LUZP2: variants seen among roughly 807,000 people sequenced by gnomAD.
LUZP2 encodes leucine zipper protein 2.
Under a neutral mutation model 51.6 loss-of-function variants are expected in LUZP2, and 52 were observed. The observed-to-expected ratio is 1.01, with a 90% CI of 0.81 to 1.27. The LOEUF (loss-of-function observed/expected upper bound fraction) is 1.27, where lower values mean the gene tolerates loss of function less well. Among genes scored for constraint, LUZP2 ranks in the 50% most tolerant of loss-of-function variants. The pLI, the probability that LUZP2 is intolerant of heterozygous loss-of-function variation, is 0.00. For synonymous variants in LUZP2, 154 were observed against 137.3 expected (o/e 1.12, Z -0.85); for missense variants, 436 against 395.4 (o/e 1.10, Z -0.87).
Position 25,079,269 on chromosome 11 carries a change from T to C in LUZP2, c.*611T>C, listed in dbSNP as rs898081191. On this transcript the variant is annotated 3_prime_UTR_variant, in exon 12 of 12. Coordinates refer to ENST00000336930, the MANE Select transcript of LUZP2 (RefSeq NM_001009909.4). ...TTCATTAAGTATGTTTGGCATCATA[T>C]GGACAAAATATTTGGATGAATGACT... 1 of 152,376 alleles carries C rather than the reference T, an allele frequency of 6.6e-6. No homozygotes were observed. Among genetic ancestry groups the C allele is most frequent in the East Asian group, 1.9e-4 (1 of 5,194 alleles). The allele number at this position is 152,376 out of a possible 1,614,324, so 9.4% of individuals were successfully genotyped here. A position where few individuals can be genotyped will look rare whatever the true frequency, so the allele number is the denominator to read the frequency against.
chr11:24,716,905 T>G (rs1217399498), intron 1 of LUZP2, among the ~76,000 whole-genome samples: 1 of 151,940 alleles, frequency 6.6e-6, no homozygotes, highest in African/African-American at 2.4e-5. Flanking sequence ...CAAAAAAATT[T>G]TTTTAATATA....
chr11:24,668,995 T>C (rs1243791145), intron 1 of LUZP2, among the ~76,000 whole-genome samples: 2 of 152,146 alleles, frequency 1.3e-5, no homozygotes, highest in Non-Finnish European at 2.9e-5. Flanking sequence ...GGCTTTTTCC[T>C]TCAACCAGAA....
At chr11:24,813,105 T>C (rs1850069347) in intron 5 of LUZP2, among the ~76,000 whole-genome samples, 1 of 152,206 alleles carries the variant, frequency 6.6e-6, no homozygotes, top group Non-Finnish European at 1.5e-5. Context: ...ATTGATACTG[T>C]TTTATTTCAG....
chr11:24,961,622 A>G (rs1855409270), intron 7 of LUZP2, among the ~76,000 whole-genome samples: 1 of 151,744 alleles, frequency 6.6e-6, no homozygotes, highest in African/African-American at 2.4e-5. Flanking sequence ...CCATCCTTTT[A>G]TTTTGAGCCT....
intron 1 of LUZP2, among the ~76,000 whole-genome samples, chr11:24,674,537 A>G (rs1453079365): frequency 1.3e-5 from 2 of 152,158 alleles, no homozygotes; most frequent in Non-Finnish European, 2.9e-5. Context: ...GATTGCTATG[A>G]TCTTTGTTTT....
intron 7 of LUZP2, among the ~76,000 whole-genome samples, chr11:24,941,427 A>G (rs891633721): frequency 1.3e-5 from 2 of 152,184 alleles, no homozygotes; most frequent in African/African-American, 2.4e-5. Flanking sequence ...TTAGTCTGCA[A>G]GTTAGAGTTT....
chr11:24,548,251 A>G (rs1018674375), intron 1 of LUZP2, among the ~76,000 whole-genome samples: 1 of 152,030 alleles, frequency 6.6e-6, no homozygotes, highest in African/African-American at 2.4e-5. Flanking sequence ...ACAGACATGC[A>G]TATGTTCATT....
intron 7 of LUZP2, among the ~76,000 whole-genome samples, chr11:24,925,053 T>A (rs541761770): frequency 6.6e-6 from 1 of 152,274 alleles, no homozygotes; most frequent in South Asian, 2.1e-4. Flanking sequence ...GAATATAGAT[T>A]TTTTCCCACA....
chr11:24,955,752 A>G (rs1855194515), intron 7 of LUZP2, among the ~76,000 whole-genome samples: 1 of 152,038 alleles, frequency 6.6e-6, no homozygotes, highest in Non-Finnish European at 1.5e-5. Flanking sequence ...GGTGGTGTGC[A>G]CTGTGTAGAC....
intron 5 of LUZP2, among the ~76,000 whole-genome samples, chr11:24,849,590 G>C (rs1851322398): frequency 6.6e-6 from 1 of 152,154 alleles, no homozygotes; most frequent in African/African-American, 2.4e-5. Context: ...AAACATACGT[G>C]TGCATGTTTC....
chr11:24,866,736 GA>G (rs906322762), intron 5 of LUZP2, among the ~76,000 whole-genome samples: 1 of 152,158 alleles, frequency 6.6e-6, no homozygotes, highest in Admixed American at 6.6e-5. Context: ...TTGGGACTTT[GA>G]AAATTCAGAA....
In LUZP2 at chr11:24,581,228, A is replaced by T. The variant is rs1278465964; in HGVS notation, c.62+83923A>T. ...AAAAAAAAAAAAATTCTCCCCACTT[A>T]TTATTGAATACAATCCTGTCATAAA... On this transcript the variant is annotated intron_variant, in intron 1 of 11. Transcript: ENST00000336930. 2.6e-5 allele frequency among the ~76,000 whole-genome samples: 4 copies of T among 151,624 alleles called. 1 individual carries two copies. The highest frequency in any genetic ancestry group is 2.6e-4 in the Admixed American group (4 of 15,198).
chr11:24,916,980 T>A (rs1334462203), intron 7 of LUZP2, among the ~76,000 whole-genome samples: 1 of 152,138 alleles, frequency 6.6e-6, no homozygotes, highest in Non-Finnish European at 1.5e-5. Flanking sequence ...TTTCTCCACA[T>A]CCTCTCCAGC....
intron 9 of LUZP2, among the ~76,000 whole-genome samples, chr11:24,999,497 G>A (rs894559757): frequency 4.6e-5 from 7 of 151,642 alleles, no homozygotes; most frequent in Non-Finnish European, 7.4e-5. Context: ...GAGAGAAAGA[G>A]AAGGAGAAGA....
At chr11:24,973,060 T>TTA (rs1190696088) in intron 7 of LUZP2, among the ~76,000 whole-genome samples, 1 of 150,038 alleles carries the variant, frequency 6.7e-6, no homozygotes, top group African/African-American at 2.4e-5. Flanking sequence ...GGTCCTGGGT[T>TTA]TTTTTTTTTT....
At chr11:25,075,900 A>T (rs1386724270) in intron 10 of LUZP2, among the ~76,000 whole-genome samples, 1 of 152,172 alleles carries the variant, frequency 6.6e-6, no homozygotes, top group African/African-American at 2.4e-5. Flanking sequence ...TAGAGTTTAA[A>T]GTCAACTTAG....
At chr11:24,847,454 A>G (rs1378767342) in intron 5 of LUZP2, among the ~76,000 whole-genome samples, 1 of 152,140 alleles carries the variant, frequency 6.6e-6, no homozygotes, top group Non-Finnish European at 1.5e-5. Flanking sequence ...CTAATGTTTT[A>G]TCATGTCCGT....
intron 1 of LUZP2, among the ~76,000 whole-genome samples, chr11:24,599,862 T>G (rs1853563068): frequency 6.6e-6 from 1 of 152,146 alleles, no homozygotes; most frequent in African/African-American, 2.4e-5. Context: ...TGTGTAACAT[T>G]GCAATTTTTC....
chr11:24,706,952 G>A lies in LUZP2; in HGVS notation c.63-22217G>A, dbSNP rs529139615. Among the ~76,000 whole-genome samples, 95 of 149,836 alleles carry A rather than the reference G, an allele frequency of 6.3e-4. 1 individual carries two copies. The highest frequency in any genetic ancestry group is 2.2e-3 in the African/African-American group (91 of 40,620). ...TGTTTCTATAGCACTGTGATCTGGG[G>A]TTCATCTTTACACATCCAAATAGTT... On this transcript the variant is annotated intron_variant, in intron 1 of 11. Transcript: ENST00000336930.
Sources: allele counts gnomAD v4.1 joint callset (sites outside exome capture counted in the v4.1 genomes callset), GRCh38; gene constraint gnomAD v4.1.1; transcripts MANE v1.5; gene names NCBI Gene and HGNC (gene_info 2026-07-23, HGNC 2026-07-21).